Variants in ZBTB7C observed in about 807,000 individuals in gnomAD.
The protein encoded by ZBTB7C is zinc finger and BTB domain-containing protein 7C.
Under a neutral mutation model 25.7 loss-of-function variants are expected in ZBTB7C, and 8 were observed. The observed-to-expected ratio is 0.31, with a 90% CI of 0.18 to 0.56. ZBTB7C has a LOEUF of 0.56. Ranked by LOEUF, ZBTB7C falls within the 20% of genes least tolerant of loss-of-function variation. The probability of loss-of-function intolerance (pLI) is 0.91; values close to 1 mark genes in which losing one functional copy is unlikely to be tolerated. For synonymous variants in ZBTB7C, 394 were observed against 369.0 expected (o/e 1.07, Z -0.78); for missense variants, 824 against 855.2 (o/e 0.96, Z 0.46).
chr18:48,253,698 C>T (rs373502629), intron 2 of ZBTB7C, among the ~76,000 whole-genome samples: 1 of 152,056 alleles, frequency 6.6e-6, no homozygotes, highest in East Asian at 1.9e-4. Flanking sequence ...ATCAGAGTAC[C>T]GATTAGTGCA....
At chr18:48,406,751 C>G (rs991746965) in intron 1 of ZBTB7C, among the ~76,000 whole-genome samples, 1 of 152,224 alleles carries the variant, frequency 6.6e-6, no homozygotes, top group Non-Finnish European at 1.5e-5. Context: ...AAAATATTCT[C>G]TCTTGCAAGT....
intron 3 of ZBTB7C, among the ~76,000 whole-genome samples, chr18:48,092,296 C>T (rs1427901879): frequency 6.6e-6 from 1 of 152,182 alleles, no homozygotes; most frequent in Non-Finnish European, 1.5e-5. Flanking sequence ...CTGGTATGCC[C>T]CAACGCCCCT....
At chr18:48,299,372 T>G (rs912530184) in intron 2 of ZBTB7C, among the ~76,000 whole-genome samples, 1 of 152,220 alleles carries the variant, frequency 6.6e-6, no homozygotes, top group Non-Finnish European at 1.5e-5. Context: ...CTTCATACTT[T>G]AGAAGGCATC....
intron 3 of ZBTB7C, among the ~76,000 whole-genome samples, chr18:48,111,884 A>G (rs8086670): frequency 0.079 from 12,099 of 152,278 alleles, 1,430 homozygotes; most frequent in African/African-American, 0.26. Flanking sequence ...TATTACGTAC[A>G]TTCTCTTCCA....
chr18:48,398,292 C>T (rs962262742), intron 1 of ZBTB7C, among the ~76,000 whole-genome samples: 1 of 152,234 alleles, frequency 6.6e-6, no homozygotes, highest in African/African-American at 2.4e-5. Flanking sequence ...TGCCTGTTTG[C>T]TGCGAAGGGA....
At chr18:48,308,356 G>T (rs991752114) in intron 2 of ZBTB7C, among the ~76,000 whole-genome samples, 2 of 152,150 alleles carry the variant, frequency 1.3e-5, no homozygotes, top group Non-Finnish European at 2.9e-5. Flanking sequence ...CTGGCATTTA[G>T]GGCAGGATGA....
Position 48,040,031 on chromosome 18 carries a change from C to T in ZBTB7C, c.1077G>A (p.Lys359=). The change falls in exon 4 of 5, where the codon AAG becomes AAA. Residue 359 remains lysine, a synonymous_variant. Coordinates refer to ENST00000590800, the MANE Select transcript of ZBTB7C (RefSeq NM_001318841.2). The stretch of plus-strand genomic sequence containing the variant: ...TGGGGCACTGCTGAGAGGCCTTGGG[C>T]TTCAGCTTGCGCTCTTCTACCAGGG... ...PWPLVEERKL[K]PKASQQCPIC... is the part of the protein sequence containing the mutation. 1 of 1,614,118 alleles carries T rather than the reference C, an allele frequency of 6.2e-7. No homozygotes were observed. Among genetic ancestry groups the T allele is most frequent in the Non-Finnish European group, 8.5e-7 (1 of 1,180,024 alleles).
chr18:48,291,084 T>C (rs2045216332), intron 2 of ZBTB7C, among the ~76,000 whole-genome samples: 2 of 152,216 alleles, frequency 1.3e-5, no homozygotes, highest in Non-Finnish European at 2.9e-5. Flanking sequence ...CCTTCTGCTT[T>C]GGGGACATCA....
At chr18:48,123,030 G>T (rs570690062) in intron 3 of ZBTB7C, among the ~76,000 whole-genome samples, 2 of 152,112 alleles carry the variant, frequency 1.3e-5, no homozygotes, top group African/African-American at 2.4e-5. Flanking sequence ...CTGTCTGGAG[G>T]GGCCTGACAC....
chr18:48,380,200 T>C (rs1346603796), intron 1 of ZBTB7C, among the ~76,000 whole-genome samples: 2 of 152,158 alleles, frequency 1.3e-5, no homozygotes, highest in African/African-American at 4.8e-5. Context: ...CTGACCTTAG[T>C]AGTTTTGGAA....
intron 3 of ZBTB7C, among the ~76,000 whole-genome samples, chr18:48,110,812 G>C (rs547540880): frequency 1.4e-4 from 21 of 152,302 alleles, no homozygotes; most frequent in Non-Finnish European, 2.4e-4. Flanking sequence ...AGGGCCCCAG[G>C]AGGGGGTTCA....
intron 3 of ZBTB7C, among the ~76,000 whole-genome samples, chr18:48,130,904 T>C (rs926952009): frequency 1.8e-4 from 27 of 152,208 alleles, no homozygotes; most frequent in African/African-American, 6.5e-4. Flanking sequence ...TTTATTTATT[T>C]TTATTTTTTA....
At chr18:48,304,650 G>C (rs1316385176) in intron 2 of ZBTB7C, among the ~76,000 whole-genome samples, 1 of 152,118 alleles carries the variant, frequency 6.6e-6, no homozygotes, top group Non-Finnish European at 1.5e-5. Flanking sequence ...ACTCCAGCCT[G>C]GGCAACACAG....
At chr18:48,348,847 G>A (rs2046800008) in intron 1 of ZBTB7C, among the ~76,000 whole-genome samples, 1 of 152,124 alleles carries the variant, frequency 6.6e-6, no homozygotes, top group Non-Finnish European at 1.5e-5. Flanking sequence ...CACAGCTCCT[G>A]ATCTGCCATA....
chr18:48,110,603 A>T, intron 3 of ZBTB7C, among the ~76,000 whole-genome samples: 1 of 152,214 alleles, frequency 6.6e-6, no homozygotes, highest in Non-Finnish European at 1.5e-5. Context: ...CCTGAGATTT[A>T]ATTTGCTTCA....
intron 3 of ZBTB7C, among the ~76,000 whole-genome samples, chr18:48,115,731 G>A (rs1023188767): frequency 4.6e-5 from 7 of 152,170 alleles, no homozygotes; most frequent in South Asian, 2.1e-4. Flanking sequence ...ATATCTAGGA[G>A]TGAAATATAC....
At chr18:48,169,833 T>A (rs4462674) in intron 3 of ZBTB7C, 2 of 152,244 alleles carry the variant, frequency 1.3e-5, no homozygotes, top group South Asian at 4.1e-4. Flanking sequence ...GAACAGGGGC[T>A]ATGCTAATCT....
intron 2 of ZBTB7C, among the ~76,000 whole-genome samples, chr18:48,218,974 A>T (rs59208076): frequency 6.6e-6 from 1 of 151,946 alleles, no homozygotes; most frequent in East Asian, 1.9e-4. Context: ...TGCACACAGG[A>T]CCCTCACCCC....
At chr18:48,349,633 G>A (rs1326465507) in intron 1 of ZBTB7C, among the ~76,000 whole-genome samples, 1 of 152,196 alleles carries the variant, frequency 6.6e-6, no homozygotes, top group African/African-American at 2.4e-5. Flanking sequence ...GTTTAAAGTA[G>A]AATCAAGCTT....
Sources: allele counts gnomAD v4.1 joint callset (sites outside exome capture counted in the v4.1 genomes callset), GRCh38; gene constraint gnomAD v4.1.1; transcripts MANE v1.5; gene names NCBI Gene and HGNC (gene_info 2026-07-23, HGNC 2026-07-21).